Variants in GCSAML observed in about 807,000 individuals in gnomAD.
The protein encoded by GCSAML is germinal center-associated signaling and motility-like protein.
In GCSAML, 9 loss-of-function variants were observed where a neutral mutation model predicts 13.0. The ratio of observed to expected loss-of-function variants is 0.69; its 90% CI spans 0.42 to 1.21. GCSAML has a LOEUF of 1.21. Among genes scored for constraint, GCSAML ranks in the 50% most tolerant of loss-of-function variants. GCSAML has a pLI of 0.00. For synonymous variants in GCSAML, 37 were observed against 52.9 expected (o/e 0.70, Z 1.31); for missense variants, 143 against 153.4 (o/e 0.93, Z 0.36).
In GCSAML at chr1:247,575,803, T is replaced by G. The variant is rs2103087335; in HGVS notation, c.*1421T>G. ...ACTAGTTATCTCTACCGAAGGTGGATGTGTAGTTTCTGGTTTTAAAATTCA... is the reference window on the plus strand; with the variant it reads ...ACTAGTTATCTCTACCGAAGGTGGAGGTGTAGTTTCTGGTTTTAAAATTCA... On this transcript the variant is annotated 3_prime_UTR_variant, in exon 5 of 5. Coordinates refer to ENST00000366488, the MANE Select transcript of GCSAML (RefSeq NM_145278.5). 1 of 152,370 alleles carries G rather than the reference T, an allele frequency of 6.6e-6. No individual in the cohort carries two copies. The highest frequency in any genetic ancestry group is 2.1e-4 in the South Asian group (1 of 4,826). 9.4% of individuals were successfully genotyped at this position (152,370 alleles called of 1,614,324 possible). A position where few individuals can be genotyped will look rare whatever the true frequency, so the allele number is the denominator to read the frequency against.
At chr1:247,516,848 T>C (rs1312808288) in intron 1 of GCSAML, among the ~76,000 whole-genome samples, 2 of 151,572 alleles carry the variant, frequency 1.3e-5, no homozygotes, top group African/African-American at 2.4e-5. Flanking sequence ...ATACAGAAAA[T>C]ACTTTTTTTT....
At chr1:247,524,758 C>G (rs1666608161) in intron 1 of GCSAML, 1 of 151,920 alleles carries the variant, frequency 6.6e-6, no homozygotes, top group African/African-American at 2.4e-5. Context: ...CAAAACATAG[C>G]AAAAGGATAA....
Position 247,577,049 on chromosome 1 carries a change from T to A in GCSAML, c.*2667T>A, listed in dbSNP as rs1410636236. On this transcript the variant is annotated 3_prime_UTR_variant, in exon 5 of 5. Coordinates refer to ENST00000366488, the MANE Select transcript of GCSAML (RefSeq NM_145278.5). ...TAAGCCACAGCAGATGTCTTAATCT[T>A]TCCGAGATCTAGTTTTTCAGCAAAG... 1 of 152,206 alleles carries A rather than the reference T, an allele frequency of 6.6e-6. No individual in the cohort carries two copies. Among genetic ancestry groups the A allele is most frequent in the East Asian group, 1.9e-4 (1 of 5,196 alleles). 9.4% of individuals were successfully genotyped at this position (152,206 alleles called of 1,614,324 possible).
chr1:247,551,291 G>A (rs774708077), intron 1 of GCSAML, among the ~76,000 whole-genome samples: 1 of 152,210 alleles, frequency 6.6e-6, no homozygotes, highest in Non-Finnish European at 1.5e-5. Context: ...GGAAAAGATG[G>A]TCCAAGCTGA....
intron 1 of GCSAML, among the ~76,000 whole-genome samples, chr1:247,521,590 T>C (rs1666429902): frequency 1.3e-5 from 2 of 152,200 alleles, no homozygotes. Flanking sequence ...CTGTGTTGGC[T>C]GGGCTGGACT....
chr1:247,548,949 A>AGT (rs147537669), upstream of GCSAML: 2,018 of 834,908 alleles, frequency 2.4e-3, 17 homozygotes, highest in East Asian at 0.028. This position sits in a 1 kb window ranked among gnomAD's most constrained non-coding sequence, Gnocchi z 5.3. Context: ...TGTGTGTATG[A>AGT]GTGTGTGTGT....
At chr1:247,540,879 C>G (rs1667391134) in intron 2 of GCSAML, among the ~76,000 whole-genome samples, 1 of 152,162 alleles carries the variant, frequency 6.6e-6, no homozygotes, top group Non-Finnish European at 1.5e-5. Flanking sequence ...ACTGTAACCA[C>G]CTGCAAGGAA....
intron 4 of GCSAML, among the ~76,000 whole-genome samples, chr1:247,568,048 A>C (rs1279056018): frequency 6.6e-6 from 1 of 151,828 alleles, no homozygotes; most frequent in Non-Finnish European, 1.5e-5. Context: ...AAATTTGTTT[A>C]AGTTCTTTGT....
At chr1:247,525,309 A>G (rs972401987) in intron 1 of GCSAML, 1 of 152,226 alleles carries the variant, frequency 6.6e-6, no homozygotes, top group Non-Finnish European at 1.5e-5. Context: ...CTACCTGGAA[A>G]TAACGCCAGG....
chr1:247,511,969 GGAC>G (rs1349355434), intron 1 of GCSAML, among the ~76,000 whole-genome samples: 1 of 152,006 alleles, frequency 6.6e-6, no homozygotes, highest in East Asian at 1.9e-4. Flanking sequence ...TTGATGAATG[GGAC>G]GACTGTGTGT....
intron 4 of GCSAML, among the ~76,000 whole-genome samples, chr1:247,566,284 C>T (rs894480503): frequency 2.6e-5 from 4 of 152,214 alleles, no homozygotes; most frequent in Admixed American, 1.3e-4. Flanking sequence ...ACTCTGTCAT[C>T]CAGGCTGGGG....
chr1:247,531,180 G>A (rs377031857), intron 2 of GCSAML: 2 of 224,526 alleles, frequency 8.9e-6, no homozygotes, highest in Non-Finnish European at 1.8e-5. Flanking sequence ...GGAACAGGCC[G>A]GCTCCGGTCT....
chr1:247,524,357 G>C (rs56830226), intron 1 of GCSAML, among the ~76,000 whole-genome samples: 2,137 of 152,130 alleles, frequency 0.014, 48 homozygotes, highest in African/African-American at 0.047. Flanking sequence ...CCCTCCCCTT[G>C]GGATGCCCTC....
At chr1:247,546,135 AG>A (rs1404683855), upstream of GCSAML, among the ~76,000 whole-genome samples, 1 of 132,426 alleles carries the variant, frequency 7.6e-6, no homozygotes, top group Non-Finnish European at 1.5e-5. Context: ...TAGGAAAGAA[AG>A]AAATAAATTT....
Position 247,574,179 on chromosome 1 carries a change from T to C in GCSAML, c.205T>C (p.Tyr69His). The C allele has an allele frequency of 6.2e-7, 1 of 1,614,098 alleles. No homozygotes were observed. The highest frequency in any genetic ancestry group is 8.5e-7 in the Non-Finnish European group (1 of 1,179,946). Reference sequence around the variant, plus strand: ...TGGCAGTGGTTCTGAAGAAGTGTGCTACACTGTCATTAATCACATCCCCCA... The same window carrying C: ...TGGCAGTGGTTCTGAAGAAGTGTGCCACACTGTCATTAATCACATCCCCCA... ...ENGSGSEEVC[Y>H]TVINHIPHQR... is the part of the protein sequence containing the mutation. The change falls in exon 5 of 5, where the codon TAC becomes CAC. Residue 69 changes from tyrosine (Y) to histidine (H), a missense_variant. Coordinates refer to ENST00000366488, the MANE Select transcript of GCSAML (RefSeq NM_145278.5).
At chr1:247,542,842 T>C (rs1425067302) in intron 2 of GCSAML, among the ~76,000 whole-genome samples, 1 of 152,200 alleles carries the variant, frequency 6.6e-6, no homozygotes, top group Non-Finnish European at 1.5e-5. Flanking sequence ...GAAGAATATG[T>C]AAAATACGTA....
At position 247,574,660 on chromosome 1, in the gene GCSAML, A is replaced by G. The variant is rs755775193; in HGVS notation, c.*278A>G. 17 of 376,386 alleles carry G rather than the reference A, an allele frequency of 4.5e-5. No individual in the cohort carries two copies. The East Asian group carries it at 5.6e-4, about 12-fold the overall frequency. 23.3% of individuals were successfully genotyped at this position (376,386 alleles called of 1,614,324 possible). A position where few individuals can be genotyped will look rare whatever the true frequency, so the allele number is the denominator to read the frequency against. On this transcript the variant is annotated 3_prime_UTR_variant, in exon 5 of 5. Transcript: ENST00000366488. The stretch of plus-strand genomic sequence containing the variant: ...TGATAAAAAAAACTTTCTTAGGACA[A>G]TAATGTAAAATGAAAATAAATTTCT...
rs1270428045 is a variant in GCSAML at position 247,568,506 on chromosome 1, AGGCCTCTGTTCTGTTCCATT to A, written c.168+2550_168+2569del. On this transcript the variant is annotated intron_variant, in intron 4 of 4. Transcript: ENST00000366488. ...TTGTAGCTGTGTGGTGTCATTTCTG[AGGCCTCTGTTCTGTTCCATT>A]GGTCTATATATCTGTTTTGGTAGCA... is the stretch of plus-strand genomic sequence containing the variant. Among the ~76,000 whole-genome samples the A allele has an allele frequency of 1.8e-4, 27 of 152,200 alleles. No individual in the cohort carries two copies. In the East Asian group the frequency reaches 5.2e-3, roughly 29 times the overall value.
chr1:247,570,210 G>C (rs1360361784), intron 4 of GCSAML, among the ~76,000 whole-genome samples: 1 of 152,064 alleles, frequency 6.6e-6, no homozygotes, highest in African/African-American at 2.4e-5. Flanking sequence ...ATCTCCTTCA[G>C]TTCTGCTCTG....
Sources: allele counts gnomAD v4.1 joint callset (sites outside exome capture counted in the v4.1 genomes callset), GRCh38; gene constraint gnomAD v4.1.1; non-coding constraint Gnocchi (gnomAD v3.1); transcripts MANE v1.5; gene names NCBI Gene and HGNC (gene_info 2026-07-23, HGNC 2026-07-21).